The following PTP4A1 variants were observed in gnomAD, a reference collection of about 807,000 sequenced individuals.
The protein encoded by PTP4A1 is protein tyrosine phosphatase type IVA 1.
PTP4A1 carries 9 observed loss-of-function variants against 20.5 expected under a neutral mutation model. That is an observed-to-expected ratio of 0.44 (90% CI 0.26 to 0.77). The LOEUF (loss-of-function observed/expected upper bound fraction) is 0.77. Ranked by LOEUF, PTP4A1 falls within the 30% of genes least tolerant of loss-of-function variation. The pLI, the probability that PTP4A1 is intolerant of heterozygous loss-of-function variation, is 0.19. For missense variants in PTP4A1, 137 were observed against 218.8 expected, an observed-to-expected ratio of 0.63 and a Z score of 2.36; for synonymous variants, 78 against 67.4, an observed-to-expected ratio of 1.16 and a Z score of -0.77.
At chr6:63,534,207 T>C (rs1442584048) in intron 2 of PTP4A1, among the ~76,000 whole-genome samples, 1 of 152,062 alleles carries the variant, frequency 6.6e-6, no homozygotes, top group Non-Finnish European at 1.5e-5. Context: ...TCAGAATGTA[T>C]GGCAATTACG....
chr6:63,560,338 CAA>C (rs369689231), intron 3 of PTP4A1, among the ~76,000 whole-genome samples: 76 of 50,592 alleles, frequency 1.5e-3, no homozygotes, highest in African/African-American at 4.7e-3. Context: ...GACTCCGTCT[CAA>C]AAAAAAAAAA....
rs1441849369 is a variant in PTP4A1 at position 63,580,931 on chromosome 6, A to T, written c.*757A>T. ...CAACTTAACAGGGAGGGCCTGAGAA[A>T]AGAATGGGAGGGGGCTATTAATTAT... On this transcript the variant is annotated 3_prime_UTR_variant, in exon 6 of 6. Coordinates refer to ENST00000626021, the MANE Select transcript of PTP4A1 (RefSeq NM_003463.5). 6.6e-6 allele frequency: 1 copy of T among 152,552 alleles called. No homozygotes were observed. The allele number at this position is 152,552 out of a possible 1,614,324, so 9.4% of individuals were successfully genotyped here. A position where few individuals can be genotyped will look rare whatever the true frequency, so the allele number is the denominator to read the frequency against.
intron 3 of PTP4A1, among the ~76,000 whole-genome samples, chr6:63,550,664 G>A (rs1157068868): frequency 6.6e-6 from 1 of 152,110 alleles, no homozygotes; most frequent in Non-Finnish European, 1.5e-5. Context: ...TCCCTCTGTT[G>A]CCCAGGCTGG....
rs2149514308 is a variant in PTP4A1 at position 63,576,449 on chromosome 6, T to G, written c.-432T>G. The stretch of plus-strand genomic sequence containing the variant: ...TCTTTTAAACAGCAATTCTGTGGTG[T>G]TCTTGGTCACACATTTATGGAGTTT... On this transcript the variant is annotated 5_prime_UTR_variant, in exon 2 of 6. Transcript: ENST00000626021. The G allele has an allele frequency of 2.5e-6, 1 of 400,274 alleles. No homozygotes were observed. The highest frequency in any genetic ancestry group is 4.4e-5 in the Admixed American group (1 of 22,886). 24.8% of individuals were successfully genotyped at this position (400,274 alleles called of 1,614,324 possible). A position where few individuals can be genotyped will look rare whatever the true frequency, so the allele number is the denominator to read the frequency against.
chr6:63,577,363 G>C (rs1265947158), intron 2 of PTP4A1, among the ~76,000 whole-genome samples: 1 of 152,230 alleles, frequency 6.6e-6, no homozygotes, highest in South Asian at 2.1e-4. Context: ...CTGATGCTTA[G>C]AATCCAATTT....
At chr6:63,530,712 G>A (rs997936975) in intron 2 of PTP4A1, among the ~76,000 whole-genome samples, 1 of 152,052 alleles carries the variant, frequency 6.6e-6, no homozygotes, top group Non-Finnish European at 1.5e-5. Context: ...ATGATCAGAA[G>A]GAAGTACATC....
intron 2 of PTP4A1, among the ~76,000 whole-genome samples, chr6:63,546,443 C>T (rs924212668): frequency 5.9e-5 from 9 of 152,120 alleles, no homozygotes; most frequent in Non-Finnish European, 1.0e-4. Flanking sequence ...CGGTGGCTCA[C>T]GCATGTAATC....
chr6:63,518,124 A>G (rs1774797736), upstream of PTP4A1, among the ~76,000 whole-genome samples: 1 of 148,786 alleles, frequency 6.7e-6, no homozygotes, highest in African/African-American at 2.5e-5. Context: ...ATCGCACTCC[A>G]GCCTGGGCAA....
intron 3 of PTP4A1, among the ~76,000 whole-genome samples, chr6:63,565,753 A>C (rs1006982829): frequency 6.6e-6 from 1 of 152,202 alleles, no homozygotes; most frequent in African/African-American, 2.4e-5. Flanking sequence ...TAAATTTCCC[A>C]CAGAAATTAG....
chr6:63,574,552 T>C (rs116179901), intron 1 of PTP4A1, among the ~76,000 whole-genome samples: 1,888 of 152,306 alleles, frequency 0.012, 23 homozygotes, highest in African/African-American at 0.018. Flanking sequence ...AATATAGTTC[T>C]TTCTCTGCTT....
chr6:63,543,452 C>G (rs1282505803), intron 2 of PTP4A1, among the ~76,000 whole-genome samples: 1 of 152,176 alleles, frequency 6.6e-6, no homozygotes, highest in African/African-American at 2.4e-5. Context: ...ATTATAAGCT[C>G]TTTATGAAAA....
At chr6:63,533,664 G>A (rs948975288) in intron 2 of PTP4A1, among the ~76,000 whole-genome samples, 3 of 152,052 alleles carry the variant, frequency 2.0e-5, no homozygotes, top group African/African-American at 7.2e-5. Flanking sequence ...TAGAATAAAT[G>A]GTTATTACTT....
At position 63,580,829 on chromosome 6, in the gene PTP4A1, G is replaced by A. The variant is rs1374303922; in HGVS notation, c.*655G>A. The A allele has an allele frequency of 3.3e-5, 5 of 151,156 alleles. No individual in the cohort carries two copies. The highest frequency in any genetic ancestry group is 2.1e-4 in the South Asian group (1 of 4,798). The allele number at this position is 151,156 out of a possible 1,614,324, so 9.4% of individuals were successfully genotyped here. A position where few individuals can be genotyped will look rare whatever the true frequency, so the allele number is the denominator to read the frequency against. On this transcript the variant is annotated 3_prime_UTR_variant, in exon 6 of 6. Transcript: ENST00000626021. ...AAAAACCTCCATTTTGAAAATCTAC[G>A]TTGTACAGAAGCACATGTCTTTAAT...
upstream of PTP4A1, among the ~76,000 whole-genome samples, chr6:63,570,786 C>A (rs541368991): frequency 1.3e-5 from 2 of 152,262 alleles, no homozygotes; most frequent in South Asian, 4.1e-4. Flanking sequence ...ATTGGCCAAG[C>A]TTTTTATATT....
upstream of PTP4A1, among the ~76,000 whole-genome samples, chr6:63,567,523 G>T (rs1777242447): frequency 6.6e-6 from 1 of 152,172 alleles, no homozygotes; most frequent in Non-Finnish European, 1.5e-5. Flanking sequence ...TATTTAGTGA[G>T]CCATGCTAAA....
chr6:63,566,262 A>C (rs1255011521), intron 3 of PTP4A1, among the ~76,000 whole-genome samples: 9 of 152,222 alleles, frequency 5.9e-5, no homozygotes, highest in Non-Finnish European at 8.8e-5. Context: ...TTATTAAAGG[A>C]ACTTGCAGGG....
intron 2 of PTP4A1, among the ~76,000 whole-genome samples, chr6:63,547,818 G>A (rs1014627228): frequency 6.6e-6 from 1 of 152,004 alleles, no homozygotes; most frequent in African/African-American, 2.4e-5. Context: ...GCCCAGGGGG[G>A]GATTTGTTAA....
chr6:63,579,141 T>C, intron 4 of PTP4A1, 113 bp downstream of exon 4: 1 of 1,377,402 alleles, frequency 7.3e-7, no homozygotes, highest in East Asian at 2.5e-5. Flanking sequence ...GTCATAGGTA[T>C]TACTTAAATA....
intron 3 of PTP4A1, among the ~76,000 whole-genome samples, chr6:63,562,465 C>G (rs570449320): frequency 1.3e-5 from 2 of 152,310 alleles, no homozygotes; most frequent in East Asian, 3.9e-4. Context: ...TCCCAAAGTG[C>G]TGGGATTACA....
Sources: allele counts gnomAD v4.1 joint callset (sites outside exome capture counted in the v4.1 genomes callset), GRCh38; gene constraint gnomAD v4.1.1; transcripts MANE v1.5; gene names NCBI Gene and HGNC (gene_info 2026-07-23, HGNC 2026-07-21).